The following GLIS3 variants were observed in gnomAD, a reference collection of about 807,000 sequenced individuals.
The protein encoded by GLIS3 is GLIS family zinc finger 3.
In GLIS3, 53 loss-of-function variants were observed where a neutral mutation model predicts 78.6. That is an observed-to-expected ratio of 0.67 (90% CI 0.54 to 0.85). GLIS3 has a LOEUF of 0.85. Ranked by LOEUF, GLIS3 falls within the 40% of genes least tolerant of loss-of-function variation. GLIS3 has a pLI of 0.00. For synonymous variants in GLIS3, 684 were observed against 509.9 expected, an observed-to-expected ratio of 1.34 and a Z score of -4.60; for missense variants, 1,703 against 1,231.1, an observed-to-expected ratio of 1.38 and a Z score of -5.74.
At chr9:4,189,795 T>C (rs1480239892) in intron 2 of GLIS3, among the ~76,000 whole-genome samples, 1 of 152,180 alleles carries the variant, frequency 6.6e-6, no homozygotes, top group Non-Finnish European at 1.5e-5. Flanking sequence ...AAGTCTGTTT[T>C]ATCAGAGACT....
chr9:4,428,814 G>T, the GLIS3 span, among the ~76,000 whole-genome samples: 2 of 152,100 alleles, frequency 1.3e-5, no homozygotes, highest in African/African-American at 4.8e-5. Flanking sequence ...TAGCTAAAAG[G>T]GAAATCATTC....
chr9:4,369,234 G>T, the GLIS3 span, among the ~76,000 whole-genome samples: 1 of 152,064 alleles, frequency 6.6e-6, no homozygotes. Flanking sequence ...ATCTTCCGAA[G>T]AAGTGTTCCC....
At chr9:4,387,128 C>T in the GLIS3 span, among the ~76,000 whole-genome samples, 19 of 152,146 alleles carry the variant, frequency 1.2e-4, no homozygotes, top group Non-Finnish European at 2.4e-4. Flanking sequence ...CGGATACCTA[C>T]GCTGTCAGAA....
intron 2 of GLIS3, among the ~76,000 whole-genome samples, chr9:4,165,762 T>A (rs1025091460): frequency 1.3e-5 from 2 of 152,108 alleles, no homozygotes; most frequent in Non-Finnish European, 2.9e-5. Context: ...AGCCTAGAAA[T>A]GGGGCTAGAA....
intron 4 of GLIS3, among the ~76,000 whole-genome samples, chr9:4,036,581 C>G (rs1824326656): frequency 6.6e-6 from 1 of 152,128 alleles, no homozygotes; most frequent in Non-Finnish European, 1.5e-5. Flanking sequence ...CCCTGAGACT[C>G]CAAGAGTGCT....
At chr9:4,241,737 C>T (rs1823337863) in intron 2 of GLIS3, among the ~76,000 whole-genome samples, 1 of 152,122 alleles carries the variant, frequency 6.6e-6, no homozygotes, top group Admixed American at 6.5e-5. Flanking sequence ...GGCTGGAATG[C>T]AGCAGCGTGA....
In GLIS3 at chr9:3,910,976, A is replaced by AC. The variant is rs551876183; in HGVS notation, c.1984-12142dup. 1.2e-4 allele frequency among the ~76,000 whole-genome samples: 19 copies of AC among 152,358 alleles called. No individual in the cohort carries two copies. The South Asian group carries it at 2.3e-3, about 18-fold the overall frequency. ...TGACATCCAAATATTAACAGAGTTA[A>AC]CCAGCTGTCTGACCAGGACAGAATA... On this transcript the variant is annotated intron_variant, in intron 6 of 10. Coordinates refer to ENST00000381971, the MANE Select transcript of GLIS3 (RefSeq NM_001042413.2).
the GLIS3 span, among the ~76,000 whole-genome samples, chr9:4,438,561 T>G: frequency 6.6e-6 from 1 of 152,168 alleles, no homozygotes; most frequent in Non-Finnish European, 1.5e-5. Context: ...TCTGGTGTTT[T>G]TCATTACTTT....
At chr9:4,075,781 A>G (rs112388506) in intron 4 of GLIS3, among the ~76,000 whole-genome samples, 8 of 152,220 alleles carry the variant, frequency 5.3e-5, no homozygotes, top group African/African-American at 1.9e-4. Flanking sequence ...TCATCAATAA[A>G]AAGGAACTAC....
intron 4 of GLIS3, among the ~76,000 whole-genome samples, chr9:4,025,673 A>C (rs1823274982): frequency 6.6e-6 from 1 of 152,186 alleles, no homozygotes; most frequent in Non-Finnish European, 1.5e-5. Flanking sequence ...GGTGTGAGCC[A>C]CTGTGCCTGG....
At chr9:4,034,542 T>C (rs1389165831) in intron 4 of GLIS3, 1 of 152,194 alleles carries the variant, frequency 6.6e-6, no homozygotes, top group Non-Finnish European at 1.5e-5. Context: ...AGGGATCCTT[T>C]GGTCGTGTTG....
chr9:4,067,910 G>A (rs1285758702), intron 4 of GLIS3, among the ~76,000 whole-genome samples: 4 of 151,886 alleles, frequency 2.6e-5, no homozygotes, highest in Non-Finnish European at 4.4e-5. Context: ...AGCTGTCAAA[G>A]AAAAAGATTA....
chr9:4,413,667 C>T, the GLIS3 span, among the ~76,000 whole-genome samples: 2 of 152,076 alleles, frequency 1.3e-5, no homozygotes, highest in African/African-American at 2.4e-5. Context: ...TAGTAGCATC[C>T]TGAACATTGC....
intron 2 of GLIS3, among the ~76,000 whole-genome samples, chr9:4,223,852 G>A (rs574749823): frequency 1.1e-4 from 16 of 152,108 alleles, no homozygotes; most frequent in Non-Finnish European, 1.6e-4. Flanking sequence ...TACAAATGTC[G>A]GGAATTCTAC....
rs77042653 is a variant in GLIS3 at position 4,344,757 on chromosome 9, T to C, written n.264+2324A>G. On this transcript the variant is annotated intron_variant and non_coding_transcript_variant, in intron 2 of 4. Transcript: ENST00000471664. ...CTGAATTTTCTCCTCCTAAAATAGG[T>C]CCCTTACCACAATCTTCCCCACTGC... 1.0e-3 allele frequency among the ~76,000 whole-genome samples: 152 copies of C among 152,262 alleles called. 4 individuals carry two copies. The East Asian group carries it at 0.027, about 27-fold the overall frequency.
At chr9:4,143,638 A>G (rs1833984903) in intron 2 of GLIS3, among the ~76,000 whole-genome samples, 1 of 152,194 alleles carries the variant, frequency 6.6e-6, no homozygotes, top group Non-Finnish European at 1.5e-5. Context: ...ATTGTCAACT[A>G]TGGTCACCAC....
At chr9:4,352,943 G>C (rs552907013), upstream of GLIS3, among the ~76,000 whole-genome samples, 79 of 152,312 alleles carry the variant, frequency 5.2e-4, no homozygotes, top group African/African-American at 1.8e-3. Flanking sequence ...GTAGCCACTT[G>C]TCAGGCTAAG....
At chr9:4,068,204 T>C (rs942337488) in intron 4 of GLIS3, among the ~76,000 whole-genome samples, 1 of 152,140 alleles carries the variant, frequency 6.6e-6, no homozygotes. Flanking sequence ...TTAAAAACCG[T>C]TTTTATTTAA....
At chr9:4,337,326 G>C (rs1817769544) in intron 2 of GLIS3, among the ~76,000 whole-genome samples, 1 of 152,116 alleles carries the variant, frequency 6.6e-6, no homozygotes, top group Non-Finnish European at 1.5e-5. Flanking sequence ...CTAACAATCA[G>C]AAAATAGTTA....
Sources: gnomAD v4.1 joint callset for allele counts (sites outside exome capture counted in the v4.1 genomes callset) on GRCh38, gnomAD v4.1.1 for gene constraint, MANE v1.5 for transcripts, NCBI Gene and HGNC (gene_info 2026-07-23, HGNC 2026-07-21) for gene names.